The following KMO variants were observed in gnomAD, a reference collection of about 807,000 sequenced individuals.
KMO encodes the protein kynurenine 3-monooxygenase, also known as kynurenine 3-hydroxylase.
KMO carries 24 observed loss-of-function variants against 57.8 expected under a neutral mutation model. That is an observed-to-expected ratio of 0.42 (90% CI 0.30 to 0.58). The LOEUF (loss-of-function observed/expected upper bound fraction) is 0.58. Among genes scored for constraint, KMO ranks in the 20% least tolerant of loss-of-function variants. The pLI, the probability that KMO is intolerant of heterozygous loss-of-function variation, is 0.22. For synonymous variants in KMO, 210 were observed against 193.6 expected (o/e 1.08, Z -0.70); for missense variants, 483 against 588.2 (o/e 0.82, Z 1.85).
chr1:241,582,297 A>G (rs1662783187), intron 10 of KMO, among the ~76,000 whole-genome samples: 1 of 152,134 alleles, frequency 6.6e-6, no homozygotes, highest in Non-Finnish European at 1.5e-5. Context: ...GTAGCTGGAT[A>G]TTCATATCTT....
chr1:241,583,487 G>T (rs1662836969), intron 10 of KMO, among the ~76,000 whole-genome samples: 3 of 152,030 alleles, frequency 2.0e-5, no homozygotes, highest in Non-Finnish European at 4.4e-5. Flanking sequence ...TTTTATTGTG[G>T]CTTAGCTGGT....
intron 1 of KMO, among the ~76,000 whole-genome samples, chr1:241,538,251 G>A (rs1004180433): frequency 6.6e-6 from 1 of 152,076 alleles, no homozygotes; most frequent in South Asian, 2.1e-4. Flanking sequence ...TGCAGGCCCA[G>A]TTGAAGGGCC....
chr1:241,562,672 T>C (rs1441533354), intron 7 of KMO, among the ~76,000 whole-genome samples: 1 of 152,060 alleles, frequency 6.6e-6, no homozygotes, highest in African/African-American at 2.4e-5. Flanking sequence ...AGACTCTGTC[T>C]CTGTAAAAAA....
Position 241,565,039 on chromosome 1 carries a change from T to A in KMO, c.668T>A (p.Met223Lys). Residue 223 changes from methionine to lysine, a missense_variant, in exon 8 of 15, where the codon ATG becomes AAG. Physicochemically the swap from Met to Lys is moderately conservative, Grantham distance 95. Coordinates refer to ENST00000366559, the MANE Select transcript of KMO (RefSeq NM_003679.5). ...ATTTGGCCTAGAAATACCTTTATGATGATTGCACTTCCTAACATGGTAGTA... is the reference window on the plus strand; with the variant it reads ...ATTTGGCCTAGAAATACCTTTATGAAGATTGCACTTCCTAACATGGTAGTA... ...LHIWPRNTFM[M>K]IALPNMNKSF... 6.3e-7 allele frequency: 1 copy of A among 1,599,494 alleles called. No individual in the cohort carries two copies. The highest frequency in any genetic ancestry group is 1.7e-4 in the Middle Eastern group (1 of 6,032).
At position 241,588,810 on chromosome 1, in the gene KMO, T is replaced by C; in HGVS notation, c.1078T>C (p.Ser360Pro). 1 of 1,613,034 alleles carries C rather than the reference T, an allele frequency of 6.2e-7. No homozygotes were observed. The highest frequency in any genetic ancestry group is 8.5e-7 in the Non-Finnish European group (1 of 1,179,224). Residue 360 changes from serine (S) to proline (P), a missense_variant, in exon 12 of 15, where the codon TCC becomes CCC. This residue lies in a region of KMO where 410 missense variants were observed against 492.3 expected (regional missense o/e 0.83). Coordinates refer to ENST00000366559, the MANE Select transcript of KMO (RefSeq NM_003679.5). ...AGATGATCACGCGATTTCAGACCTATCCATGTACAATTACATAGAGGTGAG... is the reference window on the plus strand; with the variant it reads ...AGATGATCACGCGATTTCAGACCTACCCATGTACAATTACATAGAGGTGAG... ...IPDDHAISDL[S>P]MYNYIEMRAH...
intron 10 of KMO, among the ~76,000 whole-genome samples, chr1:241,569,430 T>A (rs1307092360): frequency 2.0e-5 from 3 of 152,154 alleles, no homozygotes; most frequent in Non-Finnish European, 4.4e-5. Flanking sequence ...TTTATGTGCC[T>A]GGTTTATTTC....
chr1:241,549,629 C>A, intron 2 of KMO, 48 bp from the exon 3 acceptor site: 1 of 1,238,614 alleles, frequency 8.1e-7, no homozygotes, highest in Non-Finnish European at 1.2e-6. Flanking sequence ...TCATCCTGAG[C>A]TAGGATATAA....
Position 241,549,256 on chromosome 1 carries a change from A to AGAAAGAAAGTCG in KMO, c.124+367_124+368insTCGGAAAGAAAG, listed in dbSNP as rs1553346341. On this transcript the variant is annotated intron_variant, in intron 2 of 14. Coordinates refer to ENST00000366559, the MANE Select transcript of KMO (RefSeq NM_003679.5). ...AAGAAAGAAAGAAAGAAAGAAAGAAAGAAAGAAAGAAAGGAAGGAAGAAAG... is the reference window on the plus strand; with the variant it reads ...AAGAAAGAAAGAAAGAAAGAAAGAAAGAAAGAAAGTCGGAAAGAAAGAAAGGAAGGAAGAAAG... Among the ~76,000 whole-genome samples, 52 of 114,894 alleles carry AGAAAGAAAGTCG rather than the reference A, an allele frequency of 4.5e-4. 1 individual carries two copies. The highest frequency in any genetic ancestry group is 8.7e-3 in the Middle Eastern group (2 of 230). 75.4% of individuals were successfully genotyped at this position (114,894 alleles called of 152,430 possible).
intron 10 of KMO, among the ~76,000 whole-genome samples, chr1:241,582,302 T>C (rs899695886): frequency 6.6e-6 from 1 of 152,224 alleles, no homozygotes; most frequent in Non-Finnish European, 1.5e-5. Flanking sequence ...TGGATATTCA[T>C]ATCTTTCTCT....
At chr1:241,572,980 C>T (rs537707318) in intron 10 of KMO, among the ~76,000 whole-genome samples, 104 of 152,158 alleles carry the variant, frequency 6.8e-4, no homozygotes, top group African/African-American at 2.3e-3. Context: ...TACTTTTTTA[C>T]GGTTGAGTAG....
intron 9 of KMO, 40 bp from the exon 10 acceptor site, chr1:241,568,460 T>C (rs750351895): frequency 1.4e-5 from 22 of 1,592,908 alleles, no homozygotes; most frequent in Non-Finnish European, 1.7e-5. Context: ...ATTTAATACC[T>C]AATTTGATGT....
chr1:241,586,639 A>G (rs764737970), intron 10 of KMO, 40 bp from the exon 11 acceptor site: 1 of 1,320,984 alleles, frequency 7.6e-7, no homozygotes, highest in Non-Finnish European at 1.1e-6. Context: ...CTTTTTTATT[A>G]TTTCTAGTTT....
chr1:241,544,514 G>A (rs746931812), intron 1 of KMO, among the ~76,000 whole-genome samples: 1 of 152,134 alleles, frequency 6.6e-6, no homozygotes, highest in Non-Finnish European at 1.5e-5. Flanking sequence ...CTAGATTTAA[G>A]AGATTGTAGA....
chr1:241,570,082 G>T (rs777451355), intron 10 of KMO, among the ~76,000 whole-genome samples: 20 of 151,822 alleles, frequency 1.3e-4, no homozygotes, highest in Non-Finnish European at 2.2e-4. Flanking sequence ...TGGATTATTC[G>T]TTATCTTCTG....
chr1:241,544,186 CTTG>C (rs1288473270), intron 1 of KMO, among the ~76,000 whole-genome samples: 5 of 152,308 alleles, frequency 3.3e-5, no homozygotes, highest in Non-Finnish European at 4.4e-5. Context: ...TCACTGATCA[CTTG>C]TTGTTTAGAT....
At position 241,590,338 on chromosome 1, in the gene KMO, T is replaced by G. The variant is rs144723039; in HGVS notation, c.1260+75T>G. Reference sequence around the variant, plus strand: ...TCATAGTATTATGATTATGTTTGTTTCCAACAAATACAGAAATAATGGGAC... The same window carrying G: ...TCATAGTATTATGATTATGTTTGTTGCCAACAAATACAGAAATAATGGGAC... On this transcript the variant is annotated intron_variant, in intron 14 of 14. Transcript: ENST00000366559. 919 of 1,198,894 alleles carry G rather than the reference T, an allele frequency of 7.7e-4. 5 individuals are homozygous for G. Among genetic ancestry groups the G allele is most frequent in the South Asian group, 3.0e-3 (243 of 80,130 alleles). The allele number at this position is 1,198,894 out of a possible 1,614,324, so 74.3% of individuals were successfully genotyped here. A position where few individuals can be genotyped will look rare whatever the true frequency, so the allele number is the denominator to read the frequency against.
At chr1:241,534,676 G>A (rs148170027) in intron 1 of KMO, among the ~76,000 whole-genome samples, 80 of 152,220 alleles carry the variant, frequency 5.3e-4, no homozygotes, top group African/African-American at 1.8e-3. Flanking sequence ...ATTATCATCC[G>A]CCATCCTTAT....
At position 241,554,992 on chromosome 1, in the gene KMO, A is replaced by T. The variant is rs554099535; in HGVS notation, c.313-620A>T. On this transcript the variant is annotated intron_variant, in intron 4 of 14. Transcript: ENST00000366559. ...GCAAGACTCTGTTTCAAAAAAAAAA[A>T]AAAGTATTGTACGCCCATAGGCGCT... is the stretch of plus-strand genomic sequence containing the variant. Among the ~76,000 whole-genome samples the T allele has an allele frequency of 9.2e-5, 14 of 152,146 alleles. No homozygotes were observed. The East Asian group carries it at 2.7e-3, about 30-fold the overall frequency.
intron 3 of KMO, chr1:241,549,982 T>C (rs1421037603): frequency 3.9e-6 from 2 of 506,588 alleles, no homozygotes; most frequent in Admixed American, 7.4e-5. Context: ...TGCAACCGGA[T>C]GATTGCTTCT....
Sources: allele counts gnomAD v4.1 joint callset (sites outside exome capture counted in the v4.1 genomes callset), GRCh38; gene constraint gnomAD v4.1.1; regional missense constraint gnomAD v4.1.1; transcripts MANE v1.5; gene names NCBI Gene and HGNC (gene_info 2026-07-23, HGNC 2026-07-21).